Variants in KIF13B observed in about 807,000 individuals in gnomAD.
KIF13B encodes kinesin-like protein KIF13B.
KIF13B carries 127 observed loss-of-function variants against 222.0 expected under a neutral mutation model. The observed-to-expected ratio is 0.57, with a 90% confidence interval of 0.50 to 0.66. The LOEUF is 0.66. KIF13B is among the 30% of genes least tolerant of loss of function. KIF13B has a pLI of 0.00. For synonymous variants in KIF13B, 976 were observed against 919.0 expected (o/e 1.06, Z -1.12); for missense variants, 2,173 against 2,379.0 (o/e 0.91, Z 1.80).
intron 1 of KIF13B, chr8:29,249,861 A>G (rs1183053939): frequency 5.0e-6 from 2 of 397,326 alleles, no homozygotes; most frequent in East Asian, 1.5e-4. Flanking sequence ...CTGTTCTACC[A>G]TGGTCAACTG....
At chr8:29,074,636 G>T (rs940892266) in intron 38 of KIF13B, among the ~76,000 whole-genome samples, 1 of 152,240 alleles carries the variant, frequency 6.6e-6, no homozygotes, top group Non-Finnish European at 1.5e-5. Flanking sequence ...CAGGGGAGGG[G>T]GCACCCCGAT....
intron 2 of KIF13B, among the ~76,000 whole-genome samples, chr8:29,236,134 T>C (rs1815496213): frequency 6.6e-6 from 1 of 152,156 alleles, no homozygotes; most frequent in Non-Finnish European, 1.5e-5. Context: ...AAAAAAAGAC[T>C]TGATGAGATA....
intron 37 of KIF13B, among the ~76,000 whole-genome samples, chr8:29,083,248 T>G (rs750932349): frequency 6.6e-6 from 1 of 152,264 alleles, no homozygotes; most frequent in East Asian, 1.9e-4. Context: ...ATAAAAATTA[T>G]GTAAAATTCA....
Position 29,127,127 on chromosome 8 carries a change from A to C in KIF13B, c.3217T>G (p.Phe1073Val). Residue 1073 changes from phenylalanine to valine, a missense_variant, in exon 25 of 40, where the codon TTC becomes GTC. Coordinates refer to ENST00000524189, the MANE Select transcript of KIF13B (RefSeq NM_015254.4). ...PLRAPRTHET[F>V]HEEEEDMDSY... ...TAACAGGTATAGAAACTTACATGGA[A>C]GGTCTCATGTGTTCTGGGGGCTCTG... 1.2e-6 allele frequency: 2 copies of C among 1,613,512 alleles called. No homozygotes were observed. Among genetic ancestry groups the C allele is most frequent in the Non-Finnish European group, 1.7e-6 (2 of 1,179,646 alleles).
rs892505765 is a variant in KIF13B at position 29,177,593 on chromosome 8, A to C, written c.721-15T>G. The C allele has an allele frequency of 6.6e-7, 1 of 1,507,200 alleles. No homozygotes were observed. Among genetic ancestry groups the C allele is most frequent in the Admixed American group, 1.7e-5 (1 of 59,910 alleles). 93.4% of individuals were successfully genotyped at this position (1,507,200 alleles called of 1,614,324 possible). ...TCTCCAGATGTCTACAAAGGAAATCAATCAATACTAATCAACAGGAACACA... is the reference window on the plus strand; with the variant it reads ...TCTCCAGATGTCTACAAAGGAAATCCATCAATACTAATCAACAGGAACACA... On this transcript the variant is annotated splice_polypyrimidine_tract_variant and intron_variant, in intron 8 of 39. Coordinates refer to ENST00000524189, the MANE Select transcript of KIF13B (RefSeq NM_015254.4).
intron 37 of KIF13B, among the ~76,000 whole-genome samples, chr8:29,076,012 G>C (rs1305054555): frequency 3.9e-5 from 6 of 152,184 alleles, no homozygotes; most frequent in African/African-American, 1.4e-4. Context: ...AGGGGGAGGA[G>C]GTAAGAGCCA....
At chr8:29,202,846 C>T (rs184228069) in intron 2 of KIF13B, among the ~76,000 whole-genome samples, 113 of 152,170 alleles carry the variant, frequency 7.4e-4, no homozygotes, top group African/African-American at 2.6e-3. Context: ...TCCCCCAACT[C>T]AGCTACGTCA....
chr8:29,109,366 G>A, intron 34 of KIF13B, 68 bp downstream of exon 34: 1 of 1,244,678 alleles, frequency 8.0e-7, no homozygotes, highest in Non-Finnish European at 1.2e-6. Flanking sequence ...GTGGAGAAGA[G>A]TTACCCAAGA....
chr8:29,215,671 G>A (rs1327309905), intron 2 of KIF13B, among the ~76,000 whole-genome samples: 3 of 152,214 alleles, frequency 2.0e-5, no homozygotes, highest in Admixed American at 1.3e-4. Flanking sequence ...CAGCAGGGAC[G>A]ACAAGGTGAG....
rs938458531 is a variant in KIF13B, at chr8:29,069,306, G to C, written c.*1198C>G. The C allele has an allele frequency of 2.0e-5, 3 of 152,214 alleles. No individual in the cohort carries two copies. The highest frequency in any genetic ancestry group is 7.2e-5 in the African/African-American group (3 of 41,430). The allele number at this position is 152,214 out of a possible 1,614,324, so 9.4% of individuals were successfully genotyped here. A position where few individuals can be genotyped will look rare whatever the true frequency, so the allele number is the denominator to read the frequency against. The stretch of plus-strand genomic sequence containing the variant: ...TGTCCCGCCCACACCATGCACGGTG[G>C]GCCTGGGGGCGTGGCTGCTGTGAGG... On this transcript the variant is annotated 3_prime_UTR_variant, in exon 40 of 40. Coordinates refer to ENST00000524189, the MANE Select transcript of KIF13B (RefSeq NM_015254.4).
chr8:29,122,956 T>C (rs1028497629), intron 28 of KIF13B, among the ~76,000 whole-genome samples: 3 of 152,204 alleles, frequency 2.0e-5, no homozygotes, highest in African/African-American at 7.2e-5. Flanking sequence ...CTATTTTTAA[T>C]TTCTATAACG....
Position 29,147,489 on chromosome 8 carries a change from T to C in KIF13B, c.1927A>G (p.Arg643Gly). 3 of 1,613,566 alleles carry C rather than the reference T, an allele frequency of 1.9e-6. No individual in the cohort carries two copies. The highest frequency in any genetic ancestry group is 2.5e-6 in the Non-Finnish European group (3 of 1,179,688). The change falls in exon 17 of 40, where the codon AGG (arginine) becomes GGG (glycine). Residue 643 changes from arginine to glycine, a missense_variant. Arg to Gly is a moderately radical substitution (Grantham distance 125). Around this residue, in one of 2 missense-constraint regions of KIF13B, gnomAD observed 1,480 missense variants for 1,722.8 expected, o/e 0.86. Coordinates refer to ENST00000524189, the MANE Select transcript of KIF13B (RefSeq NM_015254.4). ...CAGTTCTGCTTCTCAGGAGACAGCC[T>C]TCTCCGGAGCTGCTCCAATTCGTGC... ...YEHELEQLRR[R>G]LSPEKQNCRS...
chr8:29,081,665 A>G (rs1317141369), intron 37 of KIF13B, among the ~76,000 whole-genome samples: 1 of 152,216 alleles, frequency 6.6e-6, no homozygotes, highest in Non-Finnish European at 1.5e-5. Flanking sequence ...GGTTAAACAA[A>G]TGTTATTAAA....
intron 36 of KIF13B, among the ~76,000 whole-genome samples, chr8:29,097,873 A>T (rs558729559): frequency 2.0e-5 from 3 of 152,254 alleles, no homozygotes; most frequent in East Asian, 1.9e-4. Context: ...ATAAGTATTT[A>T]AAAAATAAGG....
intron 35 of KIF13B, among the ~76,000 whole-genome samples, chr8:29,101,375 T>C (rs140524472): frequency 1.0e-3 from 155 of 152,308 alleles, no homozygotes; most frequent in African/African-American, 3.7e-3. Flanking sequence ...CTTTGTTTGG[T>C]AGCTGATATG....
rs941581834 is a variant in KIF13B at position 29,071,702 on chromosome 8, G to A, written c.5136C>T (p.His1712=). 1.3e-6 allele frequency: 2 copies of A among 1,551,636 alleles called. No individual in the cohort carries two copies. Among genetic ancestry groups the A allele is most frequent in the Non-Finnish European group, 1.7e-6 (2 of 1,147,546 alleles). Residue 1712 remains histidine (H), a synonymous_variant, in exon 39 of 40, where the codon CAC becomes CAT. Coordinates refer to ENST00000524189, the MANE Select transcript of KIF13B (RefSeq NM_015254.4). This position sits in a 1 kb window ranked among gnomAD's most constrained non-coding sequence, Gnocchi z 4.9. ...REGEFVTVGA[H]KTGVVRYVGP... is the part of the protein sequence containing the mutation. ...CCACGTATCTCACCACGCCCGTTTT[G>A]TGGGCGCCCACGGTGACGAACTCGC... is the stretch of plus-strand genomic sequence containing the variant.
intron 2 of KIF13B, among the ~76,000 whole-genome samples, chr8:29,215,361 T>C (rs1227610375): frequency 6.6e-6 from 1 of 152,154 alleles, no homozygotes; most frequent in African/African-American, 2.4e-5. Flanking sequence ...TTTCATTATT[T>C]CATGTCCCAG....
rs369511500 is a variant in KIF13B, at chr8:29,247,936, G to A, written c.56-2497C>T. ...AAACAGATATAAAAATGGCCAATAAGCACAAGAAAAGATGTTCCATATCAT... is the reference window on the plus strand; with the variant it reads ...AAACAGATATAAAAATGGCCAATAAACACAAGAAAAGATGTTCCATATCAT... On this transcript the variant is annotated intron_variant, in intron 1 of 39. Transcript: ENST00000524189. Among the ~76,000 whole-genome samples, 5 of 150,038 alleles carry A rather than the reference G, an allele frequency of 3.3e-5. 1 individual carries two copies. The highest frequency in any genetic ancestry group is 1.2e-4 in the African/African-American group (5 of 40,784).
intron 2 of KIF13B, among the ~76,000 whole-genome samples, chr8:29,239,904 CT>C (rs991705019): frequency 1.3e-5 from 2 of 151,956 alleles, no homozygotes; most frequent in Non-Finnish European, 2.9e-5. Context: ...CTCAAGTGAT[CT>C]GCGTGCCTTG....
Sources: gnomAD v4.1 joint callset for allele counts (sites outside exome capture counted in the v4.1 genomes callset) on GRCh38, gnomAD v4.1.1 for gene constraint, gnomAD v4.1.1 regional missense constraint, Gnocchi (gnomAD v3.1) non-coding constraint, MANE v1.5 for transcripts, NCBI Gene and HGNC (gene_info 2026-07-23, HGNC 2026-07-21) for gene names.